AQP8: variants seen among roughly 807,000 people sequenced by gnomAD.
AQP8 encodes the protein aquaporin-8.
AQP8 carries 14 observed loss-of-function variants against 26.1 expected under a neutral mutation model. That is an observed-to-expected ratio of 0.54 (90% CI 0.35 to 0.84). The LOEUF (loss-of-function observed/expected upper bound fraction) is 0.84, where lower values mean the gene tolerates loss of function less well. Ranked by LOEUF, AQP8 falls within the 40% of genes least tolerant of loss-of-function variation. AQP8 has a pLI of 0.01. For synonymous variants in AQP8, 131 were observed against 150.7 expected, an observed-to-expected ratio of 0.87 and a Z score of 0.96; for missense variants, 301 against 340.5, an observed-to-expected ratio of 0.88 and a Z score of 0.91.
chr16:25,228,426 G>A lies in AQP8; in HGVS notation c.738-18G>A, dbSNP rs755514733. 6 of 1,613,602 alleles carry A rather than the reference G, an allele frequency of 3.7e-6. No individual in the cohort carries two copies. The East Asian group carries it at 1.1e-4, about 30-fold the overall frequency. ...TCACCTCCGGGGCAGAGACCTTACT[G>A]GGTCATCTTTCTTGCAGGTGCTTCA... On this transcript the variant is annotated intron_variant, in intron 5 of 5. Coordinates refer to ENST00000219660, the MANE Select transcript of AQP8 (RefSeq NM_001169.3).
rs536443723 is a variant in AQP8 at position 25,221,210 on chromosome 16, C to T, written c.261-247C>T. Among the ~76,000 whole-genome samples the T allele has an allele frequency of 6.6e-5, 10 of 152,304 alleles. No homozygotes were observed. The South Asian group carries it at 1.7e-3, about 25-fold the overall frequency. ...AGTTAAGGGATGGTCTCCCTACACG[C>T]TCTTCCTCCAGGGCCATCCTGGGGG... On this transcript the variant is annotated intron_variant, in intron 2 of 5. Transcript: ENST00000219660.
chr16:25,224,594 G>C lies in AQP8; in HGVS notation c.602+18G>C. 6.2e-7 allele frequency: 1 copy of C among 1,603,442 alleles called. No homozygotes were observed. Among genetic ancestry groups the C allele is most frequent in the African/African-American group, 1.3e-5 (1 of 74,950 alleles). On this transcript the variant is annotated intron_variant, in intron 4 of 5. Transcript: ENST00000219660. ...CTGGCTGGGTGAGTGTCCCTTGGCA[G>C]TGGGGTGACCATGCCCAGATCTGTG...
Position 25,228,711 on chromosome 16 carries a change from A to ACACGCTGCC in AQP8, c.*221_*229dup. 1 of 547,538 alleles carries ACACGCTGCC rather than the reference A, an allele frequency of 1.8e-6. No individual in the cohort carries two copies. Among genetic ancestry groups the ACACGCTGCC allele is most frequent in the Non-Finnish European group, 3.3e-6 (1 of 304,074 alleles). The allele number at this position is 547,538 out of a possible 1,614,324, so 33.9% of individuals were successfully genotyped here. A position where few individuals can be genotyped will look rare whatever the true frequency, so the allele number is the denominator to read the frequency against. ...CTCATCAGAGACCCCAGCCTGGGGA[A>ACACGCTGCC]CACGCTGCCCGCACTGCCCAGAGAG... On this transcript the variant is annotated 3_prime_UTR_variant, in exon 6 of 6. Transcript: ENST00000219660.
chr16:25,218,608 A>C (rs1214702979), intron 2 of AQP8, among the ~76,000 whole-genome samples: 1 of 152,242 alleles, frequency 6.6e-6, no homozygotes, highest in Non-Finnish European at 1.5e-5. Context: ...GGCCGGGTGC[A>C]GTGGCTCACG....
In AQP8 at chr16:25,220,044, AAC is replaced by A. The variant is rs1310115910; in HGVS notation, c.261-1411_261-1410del. On this transcript the variant is annotated intron_variant, in intron 2 of 5. Transcript: ENST00000219660. ...AGGGAGACCCTGTCTCAAAAAAAAA[AAC>A]AAAAAACAAAAAACAAATCAAATCA... is the stretch of plus-strand genomic sequence containing the variant. 1.8e-3 allele frequency among the ~76,000 whole-genome samples: 261 copies of A among 142,674 alleles called. 1 individual carries two copies. The highest frequency in any genetic ancestry group is 6.6e-3 in the African/African-American group (252 of 38,090). The allele number at this position is 142,674 out of a possible 152,430, so 93.6% of individuals were successfully genotyped here.
At chr16:25,222,389 TA>T (rs1962574893) in intron 3 of AQP8, among the ~76,000 whole-genome samples, 1 of 152,046 alleles carries the variant, frequency 6.6e-6, no homozygotes, top group African/African-American at 2.4e-5. Context: ...TTTTTTTCTG[TA>T]GAGGTGGGCT....
At chr16:25,217,560 T>C (rs1962505231) in intron 2 of AQP8, 115 bp downstream of exon 2, 1 of 1,419,380 alleles carries the variant, frequency 7.0e-7, no homozygotes, top group Non-Finnish European at 9.5e-7. Context: ...CAAGGAGCGC[T>C]CTGGATAACT....
intron 2 of AQP8, among the ~76,000 whole-genome samples, chr16:25,220,960 A>G (rs1962554339): frequency 6.6e-6 from 1 of 152,342 alleles, no homozygotes; most frequent in African/African-American, 2.4e-5. Context: ...CTGAGTCAGA[A>G]GAATTGCTTG....
chr16:25,218,598 G>T (rs1208686321), intron 2 of AQP8, among the ~76,000 whole-genome samples: 1 of 152,234 alleles, frequency 6.6e-6, no homozygotes, highest in Non-Finnish European at 1.5e-5. Context: ...CATCTCTTTA[G>T]GCCGGGTGCA....
intron 4 of AQP8, 92 bp downstream of exon 4, chr16:25,224,668 C>T (rs1203557972): frequency 2.3e-6 from 3 of 1,322,026 alleles, no homozygotes; most frequent in African/African-American, 2.9e-5. Context: ...GATTCAGTTG[C>T]TATTAGGGGC....
chr16:25,222,957 G>T (rs1350016432), intron 3 of AQP8, among the ~76,000 whole-genome samples: 1 of 152,216 alleles, frequency 6.6e-6, no homozygotes, highest in African/African-American at 2.4e-5. Context: ...CAGCTGCGGG[G>T]CAGCAGGGTT....
intron 2 of AQP8, 48 bp downstream of exon 2, chr16:25,217,493 G>T (rs1226035776): frequency 1.3e-6 from 2 of 1,598,036 alleles, no homozygotes; most frequent in Admixed American, 1.7e-5. Context: ...TGGGGCACTG[G>T]GTGTGGAAAG....
chr16:25,223,606 G>A (rs1962592409), intron 3 of AQP8, among the ~76,000 whole-genome samples: 1 of 152,126 alleles, frequency 6.6e-6, no homozygotes, highest in Non-Finnish European at 1.5e-5. Context: ...CTACATGAGA[G>A]GCTGAGGTAG....
Position 25,221,554 on chromosome 16 carries a change from G to C in AQP8, c.358G>C (p.Gly120Arg), listed in dbSNP as rs141164855. The change falls in exon 3 of 6, where the codon GGG (glycine) becomes CGG (arginine). Residue 120 changes from glycine (G) to arginine (R), a missense_variant. Transcript: ENST00000219660. The part of the protein sequence containing the change: ...LLPYWVSQLL[G>R]GMLGAALAKA... ...CCCGTACTGGGTCTCACAGCTGCTC[G>C]GGGGGATGCTCGGGGCTGCCTTGGC... 1 of 1,613,970 alleles carries C rather than the reference G, an allele frequency of 6.2e-7. No individual in the cohort carries two copies. Among genetic ancestry groups the C allele is most frequent in the Non-Finnish European group, 8.5e-7 (1 of 1,179,960 alleles).
Position 25,224,347 on chromosome 16 carries a change from A to T in AQP8, c.388-15A>T. The T allele has an allele frequency of 1.9e-6, 3 of 1,601,624 alleles. No homozygotes were observed. Among genetic ancestry groups the T allele is most frequent in the Non-Finnish European group, 2.6e-6 (3 of 1,171,792 alleles). On this transcript the variant is annotated splice_polypyrimidine_tract_variant and intron_variant, in intron 3 of 5. Transcript: ENST00000219660. ...TCTCTGCCCCACTGTGAGGCTCAGC[A>T]GCTTCTCTGTGCAGGCGGTGAGTCC...
In AQP8 at chr16:25,227,120, G is replaced by A; in HGVS notation, c.655G>A (p.Val219Met). The A allele has an allele frequency of 6.2e-7, 1 of 1,614,160 alleles. No homozygotes were observed. Among genetic ancestry groups the A allele is most frequent in the Non-Finnish European group, 8.5e-7 (1 of 1,180,034 alleles). ...MNPARAFGPA[V>M]VANHWNFHWI... ...TCCCGCCCGTGCTTTTGGACCTGCGGTGGTGGCCAACCACTGGAACTTCCA... is the reference window on the plus strand; with the variant it reads ...TCCCGCCCGTGCTTTTGGACCTGCGATGGTGGCCAACCACTGGAACTTCCA... Residue 219 changes from valine (V) to methionine (M), a missense_variant, in exon 5 of 6, where the codon GTG (valine) becomes ATG (methionine). Physicochemically the swap from Val to Met is conservative, Grantham distance 21. Transcript: ENST00000219660.
Position 25,221,557 on chromosome 16 carries a change from G to C in AQP8, c.361G>C (p.Gly121Arg). 1 of 1,614,146 alleles carries C rather than the reference G, an allele frequency of 6.2e-7. No individual in the cohort carries two copies. Among genetic ancestry groups the C allele is most frequent in the Non-Finnish European group, 8.5e-7 (1 of 1,180,026 alleles). The change falls in exon 3 of 6, where the codon GGG becomes CGG. Residue 121 changes from glycine (G) to arginine (R), a missense_variant. By Grantham distance (125) the Gly-to-Arg change is moderately radical. Coordinates refer to ENST00000219660, the MANE Select transcript of AQP8 (RefSeq NM_001169.3). ...GTACTGGGTCTCACAGCTGCTCGGG[G>C]GGATGCTCGGGGCTGCCTTGGCCAA... ...LPYWVSQLLG[G>R]MLGAALAKAV...
chr16:25,227,795 G>A (rs1319729328), intron 5 of AQP8, among the ~76,000 whole-genome samples: 1 of 151,700 alleles, frequency 6.6e-6, no homozygotes, highest in East Asian at 2.0e-4. Context: ...GCCAGTTTTT[G>A]TGATTTTTTT....
chr16:25,224,432 AG>A lies in AQP8; in HGVS notation c.460del (p.Val154TrpfsTer11). ...TTTGTGACAGTCCAGGAGCAGGGGC[AG>A]GTGGCAGGGGCGTTGGTGGCAGAGA... ...AAFVTVQEQG[Q>X]VAGALVAEII... On this transcript the variant is annotated frameshift_variant, in exon 4 of 6. Transcript: ENST00000219660. LOFTEE classifies it high-confidence loss of function. 1 of 1,614,194 alleles carries A rather than the reference AG, an allele frequency of 6.2e-7. No homozygotes were observed. Among genetic ancestry groups the A allele is most frequent in the Non-Finnish European group, 8.5e-7 (1 of 1,180,026 alleles).
Sources: allele counts gnomAD v4.1 joint callset (sites outside exome capture counted in the v4.1 genomes callset), GRCh38; gene constraint gnomAD v4.1.1; transcripts MANE v1.5; gene names NCBI Gene and HGNC (gene_info 2026-07-23, HGNC 2026-07-21).